PTPRD: variants seen among roughly 807,000 people sequenced by gnomAD.
PTPRD encodes the protein receptor-type tyrosine-protein phosphatase delta.
A neutral mutation model predicts 214.5 loss-of-function variants in PTPRD; 34 were observed. The observed-to-expected ratio is 0.16, with a 90% CI of 0.12 to 0.21. The LOEUF (loss-of-function observed/expected upper bound fraction) is 0.21. Ranked by LOEUF, PTPRD falls within the 10% of genes least tolerant of loss-of-function variation. The pLI is 1.00. For synonymous variants in PTPRD, 1,128 were observed against 845.7 expected (o/e 1.33, Z -5.79); for missense variants, 2,545 against 2,398.7 (o/e 1.06, Z -1.27).
intron 11 of PTPRD, among the ~76,000 whole-genome samples, chr9:8,757,400 G>C (rs189066510): frequency 6.6e-6 from 1 of 151,956 alleles, no homozygotes; most frequent in Non-Finnish European, 1.5e-5. Context: ...TTTAGATGTT[G>C]ATATGTTCAA....
chr9:10,514,249 C>A (rs539643073), intron 2 of PTPRD, among the ~76,000 whole-genome samples: 5 of 151,838 alleles, frequency 3.3e-5, no homozygotes, highest in Non-Finnish European at 7.4e-5. Context: ...TACTTCTAAA[C>A]TCTGCATATT....
chr9:9,615,738 T>C (rs2094820510), intron 7 of PTPRD, among the ~76,000 whole-genome samples: 1 of 152,168 alleles, frequency 6.6e-6, no homozygotes, highest in African/African-American at 2.4e-5. Flanking sequence ...CCAGGCTCTT[T>C]ACAAACATTA....
At chr9:9,061,733 T>C (rs2099707774) in intron 10 of PTPRD, among the ~76,000 whole-genome samples, 2 of 152,176 alleles carry the variant, frequency 1.3e-5, no homozygotes, top group South Asian at 2.1e-4. Flanking sequence ...ACAGCTGTTA[T>C]TCTGTATCCT....
At chr9:9,971,653 G>A (rs1030622174) in intron 4 of PTPRD, among the ~76,000 whole-genome samples, 4 of 152,190 alleles carry the variant, frequency 2.6e-5, no homozygotes, top group Non-Finnish European at 4.4e-5. Context: ...CATTCAGCAT[G>A]CTTTGACAAG....
At chr9:10,524,470 T>G (rs1029198940) in intron 2 of PTPRD, among the ~76,000 whole-genome samples, 1 of 151,730 alleles carries the variant, frequency 6.6e-6, no homozygotes, top group African/African-American at 2.4e-5. Context: ...AATAGGAAAA[T>G]GAAATTATCC....
chr9:9,182,391 A>G (rs1025437535), intron 10 of PTPRD, among the ~76,000 whole-genome samples: 3 of 152,060 alleles, frequency 2.0e-5, no homozygotes, highest in African/African-American at 7.2e-5. Flanking sequence ...AGATTTGAGC[A>G]TGCTAACGAA....
chr9:10,215,327 T>A (rs920081236), intron 3 of PTPRD, among the ~76,000 whole-genome samples: 7 of 151,794 alleles, frequency 4.6e-5, no homozygotes, highest in Non-Finnish European at 7.4e-5. Flanking sequence ...AATTAAATGA[T>A]AAACTGAATG....
intron 30 of PTPRD, among the ~76,000 whole-genome samples, chr9:8,476,435 C>T (rs1218292300): frequency 6.6e-6 from 1 of 152,070 alleles, no homozygotes; most frequent in Admixed American, 6.6e-5. Flanking sequence ...CATTCATGGC[C>T]CAGGGGTTGG....
At chr9:9,466,750 T>G (rs540992285) in intron 8 of PTPRD, among the ~76,000 whole-genome samples, 2 of 152,288 alleles carry the variant, frequency 1.3e-5, no homozygotes, top group African/African-American at 4.8e-5. Context: ...TTTCCTGGAC[T>G]TTTTGATTTT....
At chr9:8,796,484 ATCAG>A (rs1354440320) in intron 11 of PTPRD, among the ~76,000 whole-genome samples, 4 of 152,164 alleles carry the variant, frequency 2.6e-5, no homozygotes, top group Non-Finnish European at 5.9e-5. Flanking sequence ...TACAATACTT[ATCAG>A]TCATCAGAGT....
intron 11 of PTPRD, among the ~76,000 whole-genome samples, chr9:8,920,599 C>CA (rs962655296): frequency 2.0e-5 from 3 of 151,902 alleles, no homozygotes; most frequent in African/African-American, 4.8e-5. Flanking sequence ...CAAAAAATTG[C>CA]AAAAAAATCT....
At chr9:10,164,122 T>A (rs2099144928) in intron 3 of PTPRD, among the ~76,000 whole-genome samples, 1 of 151,466 alleles carries the variant, frequency 6.6e-6, no homozygotes, top group Non-Finnish European at 1.5e-5. Flanking sequence ...TATCTGGATA[T>A]CAGTGCATAA....
intron 10 of PTPRD, among the ~76,000 whole-genome samples, chr9:9,151,180 T>C (rs2099876438): frequency 6.6e-6 from 1 of 152,252 alleles, no homozygotes; most frequent in South Asian, 2.1e-4. Flanking sequence ...CGGATCTCAA[T>C]GAATTCTAGT....
rs534075144 is a variant in PTPRD, at chr9:8,529,488, T to C, written c.353-709A>G. ...CATGTTCCTTACAGGGATAAGAGAA[T>C]GCTTTCCTCCATCCCAAAGATCTGC... On this transcript the variant is annotated intron_variant, in intron 14 of 45. Coordinates refer to ENST00000381196, the MANE Select transcript of PTPRD (RefSeq NM_002839.4). Among the ~76,000 whole-genome samples, 3 of 152,282 alleles carry C rather than the reference T, an allele frequency of 2.0e-5. No homozygotes were observed. In the South Asian group the frequency reaches 6.2e-4, roughly 32 times the overall value.
chr9:8,532,401 T>A (rs533441276), intron 14 of PTPRD, among the ~76,000 whole-genome samples: 1 of 152,220 alleles, frequency 6.6e-6, no homozygotes, highest in East Asian at 1.9e-4. Flanking sequence ...CCTTGGCCAT[T>A]TGATAACATC....
At chr9:8,532,317 G>A (rs775824669) in intron 14 of PTPRD, among the ~76,000 whole-genome samples, 1 of 152,016 alleles carries the variant, frequency 6.6e-6, no homozygotes, top group East Asian at 1.9e-4. Flanking sequence ...GCTTATCTCC[G>A]TGGGTGTAGT....
intron 11 of PTPRD, among the ~76,000 whole-genome samples, chr9:8,855,870 A>T (rs535090833): frequency 6.6e-6 from 1 of 152,206 alleles, no homozygotes; most frequent in African/African-American, 2.4e-5. Flanking sequence ...ACACAATCTG[A>T]CAGCTGAATT....
At chr9:9,120,844 G>A (rs1430344101) in intron 10 of PTPRD, among the ~76,000 whole-genome samples, 1 of 152,114 alleles carries the variant, frequency 6.6e-6, no homozygotes, top group Non-Finnish European at 1.5e-5. Context: ...AAGTCTAAAC[G>A]TTTCCAAGGG....
intron 7 of PTPRD, among the ~76,000 whole-genome samples, chr9:9,715,273 C>T (rs2097798129): frequency 6.6e-6 from 1 of 152,144 alleles, no homozygotes; most frequent in Non-Finnish European, 1.5e-5. Flanking sequence ...GAAGACAATA[C>T]ATTTTTCAAC....
Sources: gnomAD v4.1 joint callset for allele counts (sites outside exome capture counted in the v4.1 genomes callset) on GRCh38, gnomAD v4.1.1 for gene constraint, MANE v1.5 for transcripts, NCBI Gene and HGNC (gene_info 2026-07-23, HGNC 2026-07-21) for gene names.